CUL2: variants seen among roughly 807,000 people sequenced by gnomAD.
CUL2 encodes cullin 2.
A neutral mutation model predicts 110.2 loss-of-function variants in CUL2; 22 were observed. That is an observed-to-expected ratio of 0.20 (90% confidence interval 0.14 to 0.28). The LOEUF is 0.28. CUL2 is among the 10% of genes least tolerant of loss of function. The probability of loss-of-function intolerance (pLI) is 1.00; values close to 1 mark genes in which losing one functional copy is unlikely to be tolerated. For synonymous variants in CUL2, 279 were observed against 293.2 expected (o/e 0.95, Z 0.49); for missense variants, 631 against 905.5 (o/e 0.70, Z 3.89).
At chr10:35,075,663 C>CAT (rs1260068434) in intron 1 of CUL2, among the ~76,000 whole-genome samples, 1 of 151,780 alleles carries the variant, frequency 6.6e-6, no homozygotes, top group Non-Finnish European at 1.5e-5. Context: ...CACACACACA[C>CAT]ACACACACAC....
upstream of CUL2, among the ~76,000 whole-genome samples, chr10:35,091,484 CT>C (rs1244321630): frequency 2.0e-5 from 3 of 152,094 alleles, no homozygotes; most frequent in African/African-American, 7.2e-5. Flanking sequence ...ATTATGTGAC[CT>C]TTTTTTCCTC....
intron 1 of CUL2, among the ~76,000 whole-genome samples, chr10:35,123,994 A>G (rs2087708979): frequency 6.6e-6 from 1 of 152,228 alleles, no homozygotes; most frequent in African/African-American, 2.4e-5. Context: ...GAGTGAAACC[A>G]TGAGAGCCAA....
At chr10:35,099,483 A>G (rs1177827057) in intron 2 of CUL2, 1 of 152,108 alleles carries the variant, frequency 6.6e-6, no homozygotes, top group East Asian at 1.9e-4. Flanking sequence ...ACTACCCAAG[A>G]TTATACAACC....
At chr10:35,061,769 G>GTTT (rs570989508) in intron 3 of CUL2, among the ~76,000 whole-genome samples, 9 of 128,518 alleles carry the variant, frequency 7.0e-5, no homozygotes, top group South Asian at 2.5e-4. Flanking sequence ...ACTTATGAGG[G>GTTT]TTTTTTTTTT....
chr10:35,114,082 GT>G (rs112847858), intron 1 of CUL2, among the ~76,000 whole-genome samples: 22,956 of 137,904 alleles, frequency 0.17, 1,876 homozygotes, highest in East Asian at 0.25. Flanking sequence ...TAATTTTTGG[GT>G]TTTTTTTTTT....
intron 1 of CUL2, among the ~76,000 whole-genome samples, chr10:35,089,445 A>ATGT (rs1374936437): frequency 6.6e-6 from 1 of 152,180 alleles, no homozygotes; most frequent in Non-Finnish European, 1.5e-5. Context: ...AAAGACGTTT[A>ATGT]TGTTGAACAG....
At chr10:35,117,006 A>G (rs1279535142) in intron 1 of CUL2, among the ~76,000 whole-genome samples, 1 of 152,128 alleles carries the variant, frequency 6.6e-6, no homozygotes, top group African/African-American at 2.4e-5. Context: ...TGTTTTGGAT[A>G]TAAACATCCA....
chr10:35,039,186 C>A (rs2085712890), intron 8 of CUL2, 104 bp from the exon 9 acceptor site: 2 of 621,258 alleles, frequency 3.2e-6, no homozygotes, highest in Non-Finnish European at 5.2e-6. Flanking sequence ...CTGAATTAAA[C>A]ATGGCAAAGG....
chr10:35,060,377 G>A (rs1394564008), intron 4 of CUL2, among the ~76,000 whole-genome samples: 2 of 152,184 alleles, frequency 1.3e-5, no homozygotes, highest in Non-Finnish European at 2.9e-5. Flanking sequence ...GAGAGACCAT[G>A]GGCCATTAGG....
intron 17 of CUL2, among the ~76,000 whole-genome samples, chr10:35,021,850 G>C (rs1180865797): frequency 7.5e-6 from 1 of 134,116 alleles, no homozygotes; most frequent in African/African-American, 2.8e-5. Flanking sequence ...GTGAGGTGAG[G>C]TGAGGTGAGG....
chr10:35,082,510 T>C (rs1251968245), intron 1 of CUL2, among the ~76,000 whole-genome samples: 2 of 152,136 alleles, frequency 1.3e-5, no homozygotes, highest in African/African-American at 4.8e-5. Flanking sequence ...ACACTGTAAA[T>C]GCAGTTAACA....
At position 35,039,086 on chromosome 10, in the gene CUL2, T is replaced by C. The variant is rs1457895747; in HGVS notation, c.715-4A>G. 1.3e-6 allele frequency: 2 copies of C among 1,537,036 alleles called. No homozygotes were observed. The highest frequency in any genetic ancestry group is 1.3e-5 in the South Asian group (1 of 79,466). On this transcript the variant is annotated splice_region_variant and splice_polypyrimidine_tract_variant and intron_variant, in intron 8 of 20. Transcript: ENST00000374749. ...CATCTTTTAATCTACCTAGAACCTA[T>C]AAAAATATTTTCTTACAGTCATGAA...
At chr10:35,115,232 T>C (rs889582580) in intron 1 of CUL2, among the ~76,000 whole-genome samples, 1 of 150,112 alleles carries the variant, frequency 6.7e-6, no homozygotes, top group Admixed American at 6.7e-5. Flanking sequence ...AGCAAGATTC[T>C]GTCTAAAAAA....
At chr10:35,073,234 T>C (rs1201800397) in intron 1 of CUL2, among the ~76,000 whole-genome samples, 1 of 152,154 alleles carries the variant, frequency 6.6e-6, no homozygotes, top group Non-Finnish European at 1.5e-5. Context: ...CTATAACGGA[T>C]TAGCAGCGAT....
At chr10:35,122,787 G>A (rs1052650405) in intron 1 of CUL2, among the ~76,000 whole-genome samples, 3 of 152,202 alleles carry the variant, frequency 2.0e-5, no homozygotes, top group Middle Eastern at 3.4e-3. Context: ...ACAGGCATGC[G>A]CCACCATGCC....
chr10:35,031,235 A>G lies in CUL2; in HGVS notation c.1386+65T>C. 3.0e-6 allele frequency: 3 copies of G among 1,015,462 alleles called. No individual in the cohort carries two copies. Among genetic ancestry groups the G allele is most frequent in the South Asian group, 1.5e-5 (1 of 64,836 alleles). The allele number at this position is 1,015,462 out of a possible 1,614,324, so 62.9% of individuals were successfully genotyped here. On this transcript the variant is annotated intron_variant, in intron 14 of 20. Coordinates refer to ENST00000374749, the MANE Select transcript of CUL2 (RefSeq NM_003591.4). The surrounding 1 kb of genome is among the most constrained non-coding windows in gnomAD (Gnocchi z 4.4). ...TCCTGTTACTGTACACAATGCTGCA[A>G]TGAACATCTTTATGTGCTTGTGAAT...
Position 35,009,043 on chromosome 10 carries a change from T to A in CUL2, c.*1268A>T, listed in dbSNP as rs1239771238. 6.6e-6 allele frequency: 1 copy of A among 151,844 alleles called. No individual in the cohort carries two copies. The highest frequency in any genetic ancestry group is 1.5e-5 in the Non-Finnish European group (1 of 67,950). The allele number at this position is 151,844 out of a possible 1,614,324, so 9.4% of individuals were successfully genotyped here. A position where few individuals can be genotyped will look rare whatever the true frequency, so the allele number is the denominator to read the frequency against. Reference sequence around the variant, plus strand: ...AAGTTCCAGACTAGCCTGGGAAACATGGCGAAACCCCGTCTCTTATTTTTT... The same window carrying A: ...AAGTTCCAGACTAGCCTGGGAAACAAGGCGAAACCCCGTCTCTTATTTTTT... On this transcript the variant is annotated 3_prime_UTR_variant, in exon 21 of 21. Transcript: ENST00000374749.
chr10:35,116,838 TCCC>T (rs1475792562), intron 1 of CUL2, among the ~76,000 whole-genome samples: 3 of 151,942 alleles, frequency 2.0e-5, no homozygotes, highest in Non-Finnish European at 2.9e-5. Flanking sequence ...ACGCCTGTAG[TCCC>T]AGCTACCCGG....
At chr10:35,122,824 G>C (rs1315451075) in intron 1 of CUL2, among the ~76,000 whole-genome samples, 1 of 152,124 alleles carries the variant, frequency 6.6e-6, no homozygotes, top group Non-Finnish European at 1.5e-5. Context: ...TTTTAGTAGA[G>C]ATGGGGTTTT....
Sources: allele counts gnomAD v4.1 joint callset (sites outside exome capture counted in the v4.1 genomes callset), GRCh38; gene constraint gnomAD v4.1.1; non-coding constraint Gnocchi (gnomAD v3.1); transcripts MANE v1.5; gene names NCBI Gene and HGNC (gene_info 2026-07-23, HGNC 2026-07-21).